The following LPA variants were observed in gnomAD, a reference collection of about 807,000 sequenced individuals.
LPA encodes the protein lipoprotein(a).
A neutral mutation model predicts 197.9 loss-of-function variants in LPA; 199 were observed. The observed-to-expected ratio is 1.01, with a 90% CI of 0.90 to 1.13. The LOEUF (loss-of-function observed/expected upper bound fraction) is 1.13, where lower values mean the gene tolerates loss of function less well. Among genes scored for constraint, LPA ranks in the 50% most tolerant of loss-of-function variants. LPA has a pLI of 0.00. For missense variants in LPA, 1,853 were observed against 1,785.8 expected (o/e 1.04, Z -0.68); for synonymous variants, 715 against 639.5 (o/e 1.12, Z -1.78).
At chr6:160,539,064 C>A (rs1777936996) in intron 36 of LPA, among the ~76,000 whole-genome samples, 1 of 152,190 alleles carries the variant, frequency 6.6e-6, no homozygotes, top group Non-Finnish European at 1.5e-5. Context: ...TCCAGGACAT[C>A]ACCCCTCAGT....
At chr6:160,557,658 T>C (rs991119843) in intron 28 of LPA, 87 bp from the exon 29 acceptor site, 3 of 1,175,084 alleles carry the variant, frequency 2.6e-6, no homozygotes, top group Non-Finnish European at 3.8e-6. Flanking sequence ...TATAACAAAG[T>C]GTTAAAAAGT....
intron 25 of LPA, 146 bp downstream of exon 25, chr6:160,586,303 G>A: frequency 3.3e-6 from 3 of 900,456 alleles, no homozygotes; most frequent in Non-Finnish European, 5.2e-6. Context: ...CCCCAGAGAA[G>A]GCACTGAAGC....
At position 160,605,171 on chromosome 6, in the gene LPA, G is replaced by A. The variant is rs1220728632; in HGVS notation, c.2820C>T (p.Cys940=). 6.8e-6 allele frequency: 11 copies of A among 1,613,944 alleles called. No individual in the cohort carries two copies. Among genetic ancestry groups the A allele is most frequent in the Non-Finnish European group, 7.6e-6 (9 of 1,179,888 alleles). The change falls in exon 18 of 39, where the codon TGC becomes TGT. Residue 940 remains cysteine, a synonymous_variant. Transcript: ENST00000316300. ...PTEQRPGVQE[C]YHGNGQSYQG... The stretch of plus-strand genomic sequence containing the variant: ...GATAACTCTGTCCATTTCCGTGGTA[G>A]CACTCCTGCACCCCAGGCCTTTGCT...
chr6:160,575,379 C>T (rs1343198292), intron 28 of LPA, among the ~76,000 whole-genome samples: 3 of 152,072 alleles, frequency 2.0e-5, no homozygotes, highest in Non-Finnish European at 4.4e-5. Flanking sequence ...TGATTTTTCT[C>T]CTGGTTATGG....
rs146554065 is a variant in LPA at position 160,560,037 on chromosome 6, G to C, written c.4632-2466C>G. On this transcript the variant is annotated intron_variant, in intron 28 of 38. Transcript: ENST00000316300. ...TCACACTTATGAGTGAGAACATATG[G>C]TGTTTGGTTTTCTGTTCTTGTGTTA... Among the ~76,000 whole-genome samples the C allele has an allele frequency of 2.8e-3, 431 of 152,278 alleles. 3 individuals are homozygous for C. Among genetic ancestry groups the C allele is most frequent in the Admixed American group, 6.5e-3 (99 of 15,294 alleles).
At chr6:160,534,382 T>A (rs928426842) in intron 37 of LPA, among the ~76,000 whole-genome samples, 5 of 152,218 alleles carry the variant, frequency 3.3e-5, no homozygotes, top group African/African-American at 7.2e-5. Context: ...TGCTGCCATC[T>A]CGTGGCCAAT....
At chr6:160,652,407 A>C (rs912052770) in intron 1 of LPA, among the ~76,000 whole-genome samples, 16 of 152,114 alleles carry the variant, frequency 1.1e-4, no homozygotes, top group Non-Finnish European at 2.1e-4. Flanking sequence ...AAAATGATAC[A>C]AGGAATGAAA....
At chr6:160,576,124 T>A (rs1479426158) in intron 28 of LPA, among the ~76,000 whole-genome samples, 1 of 151,888 alleles carries the variant, frequency 6.6e-6, no homozygotes, top group Non-Finnish European at 1.5e-5. Context: ...TTTTCATATA[T>A]TTTATAGTCA....
At chr6:160,576,370 A>ATG in intron 28 of LPA, among the ~76,000 whole-genome samples, 1 of 10,258 alleles carries the variant, frequency 9.7e-5, no homozygotes, top group Admixed American at 1.3e-3. Flanking sequence ...ATATATACAT[A>ATG]TATATATATA....
intron 1 of LPA, among the ~76,000 whole-genome samples, chr6:160,657,591 G>A (rs551102543): frequency 1.3e-5 from 2 of 152,012 alleles, no homozygotes; most frequent in East Asian, 3.9e-4. Flanking sequence ...CAGAGATGGG[G>A]TTTCACCATT....
At chr6:160,553,199 T>G (rs142716346) in intron 30 of LPA, among the ~76,000 whole-genome samples, 4 of 152,318 alleles carry the variant, frequency 2.6e-5, no homozygotes, top group African/African-American at 9.6e-5. Context: ...ATATCACAAA[T>G]TGTCCTTTAA....
In LPA at chr6:160,593,998, G is replaced by T; in HGVS notation, c.3589C>A (p.Pro1197Thr). The change falls in exon 22 of 39, where the codon CCA (proline) becomes ACA (threonine). Residue 1197 changes from proline (P) to threonine (T), a missense_variant. By Grantham distance (38) the Pro-to-Thr change is conservative (BLOSUM62 -1). Transcript: ENST00000316300. ...RTCQSWSSMT[P>T]HWHQRTTEYY... ...TCTGTTGTCCTCTGATGCCAGTGTGGTGTCATAGAGGACCAAGACTGACAT... is the reference window on the plus strand; with the variant it reads ...TCTGTTGTCCTCTGATGCCAGTGTGTTGTCATAGAGGACCAAGACTGACAT... 4 of 1,613,946 alleles carry T rather than the reference G, an allele frequency of 2.5e-6. No individual in the cohort carries two copies. The highest frequency in any genetic ancestry group is 1.3e-5 in the African/African-American group (1 of 75,028).
intron 24 of LPA, among the ~76,000 whole-genome samples, chr6:160,588,135 A>T (rs1778951740): frequency 6.6e-6 from 1 of 152,066 alleles, no homozygotes; most frequent in African/African-American, 2.4e-5. Flanking sequence ...TTTTTCTCCC[A>T]GTTATGTATC....
chr6:160,557,452 G>A lies in LPA; in HGVS notation c.4751C>T (p.Ser1584Leu), dbSNP rs770600211. ...AACAGTGGGAGTCTCTAGGACACCT[G>A]ATTCTGTTTCTGAGCATTGTGTCAG... ...CNLTQCSETE[S>L]GVLETPTVVP... Residue 1584 changes from serine (S) to leucine (L), a missense_variant, in exon 29 of 39, where the codon TCA (serine) becomes TTA (leucine). Coordinates refer to ENST00000316300, the MANE Select transcript of LPA (RefSeq NM_005577.4). The A allele has an allele frequency of 1.9e-6, 3 of 1,614,140 alleles. No homozygotes were observed. The highest frequency in any genetic ancestry group is 2.5e-6 in the Non-Finnish European group (3 of 1,180,022).
rs1479944434 is a variant in LPA at position 160,531,889 on chromosome 6, C to G, written c.5963G>C (p.Gly1988Ala). ...GCAAACCAGAGGCCCTCCACTGTCA[C>G]CCTAAACAGAGGTAGGGGAAAATTC... is the stretch of plus-strand genomic sequence containing the variant. ...HLARGTDSCQ[G>A]DSGGPLVCFE... Residue 1988 changes from glycine (G) to alanine (A), a missense_variant and splice_region_variant, in exon 39 of 39, where the codon GGT becomes GCT. Physicochemically the swap from Gly to Ala is moderately conservative, Grantham distance 60. Coordinates refer to ENST00000316300, the MANE Select transcript of LPA (RefSeq NM_005577.4). 6.2e-7 allele frequency: 1 copy of G among 1,613,998 alleles called. No homozygotes were observed. The highest frequency in any genetic ancestry group is 1.7e-5 in the Admixed American group (1 of 59,988).
At chr6:160,547,640 G>T (rs1233403048) in intron 32 of LPA, 149 bp downstream of exon 32, 5 of 1,015,076 alleles carry the variant, frequency 4.9e-6, no homozygotes, top group Non-Finnish European at 6.1e-6. Context: ...CACGCGTGGG[G>T]CTTTGCTGGC....
At chr6:160,641,130 C>T (rs1331478360) in intron 4 of LPA, among the ~76,000 whole-genome samples, 5 of 129,676 alleles carry the variant, frequency 3.9e-5, no homozygotes, top group East Asian at 2.1e-4. Flanking sequence ...GGCCGAAAAA[C>T]GATCAGAGTA....
At chr6:160,537,250 T>G (rs1777908760) in intron 37 of LPA, among the ~76,000 whole-genome samples, 1 of 152,114 alleles carries the variant, frequency 6.6e-6, no homozygotes, top group Admixed American at 6.6e-5. Context: ...AAATATTCCC[T>G]CTCTTGCTCT....
In LPA at chr6:160,548,001, G is replaced by T. The variant is rs1275479474; in HGVS notation, c.5156-64C>A. On this transcript the variant is annotated intron_variant, in intron 31 of 38. Coordinates refer to ENST00000316300, the MANE Select transcript of LPA (RefSeq NM_005577.4). ...CAGCCAGGCAGCCACATAGACCCAG[G>T]ACGATACAGAATCAATGCAGTCATG... 7.8e-6 allele frequency: 12 copies of T among 1,545,890 alleles called. No homozygotes were observed. The African/African-American group carries it at 1.6e-4, about 21-fold the overall frequency.
Sources: allele counts gnomAD v4.1 joint callset (sites outside exome capture counted in the v4.1 genomes callset), GRCh38; gene constraint gnomAD v4.1.1; transcripts MANE v1.5; gene names NCBI Gene and HGNC (gene_info 2026-07-23, HGNC 2026-07-21).